Variants in SORCS3 observed in about 807,000 individuals in gnomAD.
The protein encoded by SORCS3 is sortilin related VPS10 domain containing receptor 3.
In SORCS3, 57 loss-of-function variants were observed where a neutral mutation model predicts 146.3. The observed-to-expected ratio is 0.39, with a 90% CI of 0.31 to 0.49. The LOEUF is 0.49. Ranked by LOEUF, SORCS3 falls within the 20% of genes least tolerant of loss-of-function variation. The pLI is 0.92. For synonymous variants in SORCS3, 653 were observed against 618.5 expected, an observed-to-expected ratio of 1.06 and a Z score of -0.83; for missense variants, 1,341 against 1,575.5, an observed-to-expected ratio of 0.85 and a Z score of 2.52.
At position 104,917,230 on chromosome 10, in the gene SORCS3, T is replaced by A. The variant is rs182583911; in HGVS notation, c.795+1298T>A. 2.9e-3 allele frequency among the ~76,000 whole-genome samples: 446 copies of A among 152,360 alleles called. 2 individuals carry two copies. The highest frequency in any genetic ancestry group is 0.019 in the South Asian group (90 of 4,828). ...TGATTTTATTTGAGTAGTTTCTTTT[T>A]TCTTTGTCCCAAAGCATTGCCATTT... On this transcript the variant is annotated intron_variant, in intron 3 of 26. Coordinates refer to ENST00000369701, the MANE Select transcript of SORCS3 (RefSeq NM_014978.3).
chr10:104,920,993 T>C (rs932891109), intron 3 of SORCS3, among the ~76,000 whole-genome samples: 2 of 152,216 alleles, frequency 1.3e-5, no homozygotes, highest in African/African-American at 4.8e-5. Context: ...AGCCCAGAAT[T>C]GCTGAATGTG....
intron 5 of SORCS3, among the ~76,000 whole-genome samples, chr10:105,072,917 A>T (rs1157854707): frequency 1.3e-5 from 2 of 152,150 alleles, no homozygotes; most frequent in Non-Finnish European, 2.9e-5. Flanking sequence ...AGGGTGTCAC[A>T]GTATTATCTG....
At position 104,959,985 on chromosome 10, in the gene SORCS3, T is replaced by C. The variant is rs1229200368; in HGVS notation, c.796-17350T>C. On this transcript the variant is annotated intron_variant, in intron 3 of 26. Transcript: ENST00000369701. Reference sequence around the variant, plus strand: ...TTGGTTATTACAGCCTGGTCTCTTATGTGGTCCATTGTCTCAAAGGGTTGT... The same window carrying C: ...TTGGTTATTACAGCCTGGTCTCTTACGTGGTCCATTGTCTCAAAGGGTTGT... Among the ~76,000 whole-genome samples, 9 of 152,326 alleles carry C rather than the reference T, an allele frequency of 5.9e-5. No homozygotes were observed. In the East Asian group the frequency reaches 1.3e-3, roughly 23 times the overall value.
intron 2 of SORCS3, among the ~76,000 whole-genome samples, chr10:104,878,144 A>G (rs2133573401): frequency 6.6e-6 from 1 of 152,214 alleles, no homozygotes; most frequent in Non-Finnish European, 1.5e-5. Flanking sequence ...GATTTTCACA[A>G]TTTATTCAAT....
At chr10:104,679,574 C>A (rs533437548) in intron 1 of SORCS3, among the ~76,000 whole-genome samples, 1 of 152,272 alleles carries the variant, frequency 6.6e-6, no homozygotes, top group African/African-American at 2.4e-5. Context: ...TTTTCTTCAT[C>A]GAAATAAATG....
chr10:105,162,827 C>G (rs1164072597), intron 11 of SORCS3, among the ~76,000 whole-genome samples: 2 of 152,180 alleles, frequency 1.3e-5, no homozygotes, highest in Non-Finnish European at 2.9e-5. Flanking sequence ...TCTGGAGCAA[C>G]AGTGCTCCTG....
At chr10:104,651,234 A>G (rs189740893) in intron 1 of SORCS3, among the ~76,000 whole-genome samples, 1 of 152,266 alleles carries the variant, frequency 6.6e-6, no homozygotes, top group African/African-American at 2.4e-5. Context: ...TGTTTGAAAG[A>G]TTTCTCAAAA....
At chr10:104,991,088 A>G (rs532979215) in intron 4 of SORCS3, among the ~76,000 whole-genome samples, 2 of 152,146 alleles carry the variant, frequency 1.3e-5, no homozygotes, top group South Asian at 4.2e-4. Flanking sequence ...GCATCGACTG[A>G]CCCAGAGACG....
At chr10:104,874,271 G>A (rs1334787479) in intron 2 of SORCS3, among the ~76,000 whole-genome samples, 1 of 152,090 alleles carries the variant, frequency 6.6e-6, no homozygotes, top group African/African-American at 2.4e-5. Flanking sequence ...TCTGCCATTT[G>A]GATCTGCCAA....
At chr10:104,870,148 C>G (rs563463160) in intron 2 of SORCS3, among the ~76,000 whole-genome samples, 1 of 152,166 alleles carries the variant, frequency 6.6e-6, no homozygotes, top group Non-Finnish European at 1.5e-5. Flanking sequence ...TAGGATGGTG[C>G]ACATTTTACC....
chr10:105,243,100 G>T (rs1446592929), intron 20 of SORCS3, among the ~76,000 whole-genome samples: 1 of 122,312 alleles, frequency 8.2e-6, no homozygotes, highest in Non-Finnish European at 1.8e-5. Context: ...CATTCTGTTG[G>T]GTGTTTAGAG....
At chr10:104,766,471 G>A (rs2017180915) in intron 1 of SORCS3, among the ~76,000 whole-genome samples, 1 of 152,234 alleles carries the variant, frequency 6.6e-6, no homozygotes, top group Non-Finnish European at 1.5e-5. Context: ...TGTGTCTCAT[G>A]TGAGCTTTGT....
At chr10:104,821,545 T>C (rs991924452) in intron 1 of SORCS3, among the ~76,000 whole-genome samples, 1 of 152,206 alleles carries the variant, frequency 6.6e-6, no homozygotes. Flanking sequence ...CTACCATCTA[T>C]CTGTAGAAGA....
At chr10:104,975,996 C>T (rs2054894981) in intron 3 of SORCS3, among the ~76,000 whole-genome samples, 1 of 152,140 alleles carries the variant, frequency 6.6e-6, no homozygotes, top group Non-Finnish European at 1.5e-5. Flanking sequence ...AGGACATAGG[C>T]ATGGGCAAGG....
chr10:105,062,247 G>A (rs771360741), intron 5 of SORCS3, among the ~76,000 whole-genome samples: 1 of 152,192 alleles, frequency 6.6e-6, no homozygotes, highest in Non-Finnish European at 1.5e-5. Context: ...AAGCATGCAG[G>A]TGGAATAATG....
intron 16 of SORCS3, among the ~76,000 whole-genome samples, chr10:105,204,890 C>G (rs2056593391): frequency 6.6e-6 from 1 of 152,130 alleles, no homozygotes; most frequent in South Asian, 2.1e-4. Context: ...TTAAAAGATA[C>G]AGTTTTTCCA....
intron 3 of SORCS3, among the ~76,000 whole-genome samples, chr10:104,970,833 T>C (rs536381438): frequency 1.1e-4 from 16 of 151,814 alleles, no homozygotes; most frequent in African/African-American, 3.7e-4. Context: ...TATTTTATAA[T>C]ACTAATATAT....
In SORCS3 at chr10:105,167,309, G is replaced by A. The variant is rs751783356; in HGVS notation, c.1861G>A (p.Val621Met). 81 of 1,613,280 alleles carry A rather than the reference G, an allele frequency of 5.0e-5. No individual in the cohort carries two copies. Among genetic ancestry groups the A allele is most frequent in the East Asian group, 1.6e-4 (7 of 44,878 alleles). Residue 621 changes from valine (V) to methionine (M), a missense_variant, in exon 13 of 27, where the codon GTG (valine) becomes ATG (methionine). Physicochemically the swap from Val to Met is conservative, Grantham distance 21. Transcript: ENST00000369701. ...VWFLDWGGAL[V>M]AMKHTPLPVR... ...GTTCCTAGACTGGGGTGGTGCCCTC[G>A]TGGCCATGAAACACACACCTCTGCC...
chr10:104,903,386 T>C (rs574989510), intron 2 of SORCS3, among the ~76,000 whole-genome samples: 2 of 152,182 alleles, frequency 1.3e-5, no homozygotes, highest in African/African-American at 4.8e-5. Flanking sequence ...CAAGAGACTA[T>C]GGAAATCAGA....
Sources: gnomAD v4.1 joint callset for allele counts (sites outside exome capture counted in the v4.1 genomes callset) on GRCh38, gnomAD v4.1.1 for gene constraint, MANE v1.5 for transcripts, NCBI Gene and HGNC (gene_info 2026-07-23, HGNC 2026-07-21) for gene names.